IL13RA1: variants seen among roughly 807,000 people sequenced by gnomAD.
The protein encoded by IL13RA1 is interleukin-13 receptor subunit alpha-1.
Under a neutral mutation model 33.8 loss-of-function variants are expected in IL13RA1, and 14 were observed. The observed-to-expected ratio is 0.41, with a 90% CI of 0.27 to 0.65. The LOEUF is 0.65. IL13RA1 is among the 30% of genes least tolerant of loss of function. The probability of loss-of-function intolerance (pLI) is 0.28; values close to 1 mark genes in which losing one functional copy is unlikely to be tolerated. For synonymous variants in IL13RA1, 116 were observed against 115.7 expected (o/e 1.00, Z -0.02); for missense variants, 313 against 327.0 (o/e 0.96, Z 0.33).
At chrX:118,761,065 G>T in intron 5 of IL13RA1, 73 bp from the exon 6 acceptor site, 1 of 470,632 alleles carries the variant, frequency 2.1e-6, no homozygotes, top group South Asian at 5.5e-5. Flanking sequence ...CCATGGATAT[G>T]GAGGGCCGAC....
chrX:118,753,964 A>C (rs2017498218), intron 4 of IL13RA1, among the ~76,000 whole-genome samples: 1 of 112,839 alleles, frequency 8.9e-6, no homozygotes, highest in African/African-American at 3.2e-5. Context: ...GAATCAAATT[A>C]AAACTTCAGT....
chrX:118,781,655 A>G (rs1241446208), intron 10 of IL13RA1, among the ~76,000 whole-genome samples: 1 of 112,898 alleles, frequency 8.9e-6, no homozygotes, highest in Non-Finnish European at 1.9e-5. Context: ...CCCAGCCTCA[A>G]TATTTATCTT....
chrX:118,804,131 A>G, the IL13RA1 span, among the ~76,000 whole-genome samples: 1 of 107,700 alleles, frequency 9.3e-6, no homozygotes, highest in Admixed American at 1.0e-4. Context: ...TAATTTTTGT[A>G]TTTTTAGTAG....
chrX:118,796,738 G>GCCAAGA (rs988122314), downstream of IL13RA1, among the ~76,000 whole-genome samples: 1 of 111,935 alleles, frequency 8.9e-6, no homozygotes, highest in Non-Finnish European at 1.9e-5. Flanking sequence ...GTTTCTCCAT[G>GCCAAGA]TTGGTCAGGC....
downstream of IL13RA1, among the ~76,000 whole-genome samples, chrX:118,798,183 C>G (rs1326995000): frequency 8.9e-6 from 1 of 111,800 alleles, no homozygotes; most frequent in East Asian, 2.8e-4. Context: ...CATACTCACA[C>G]TTCTCTTCCA....
chrX:118,737,419 C>T (rs1234627912), intron 1 of IL13RA1, among the ~76,000 whole-genome samples: 1 of 112,667 alleles, frequency 8.9e-6, no homozygotes, highest in Non-Finnish European at 1.9e-5. Flanking sequence ...GACTCTGCCA[C>T]TACCATTGTT....
chrX:118,764,763 T>C (rs1267490486), intron 6 of IL13RA1, among the ~76,000 whole-genome samples: 1 of 111,942 alleles, frequency 8.9e-6, no homozygotes, highest in Non-Finnish European at 1.9e-5. Flanking sequence ...CAAGTGACTT[T>C]TATTGTGTGG....
At chrX:118,802,091 A>G in the IL13RA1 span, among the ~76,000 whole-genome samples, 150 of 111,783 alleles carry the variant, frequency 1.3e-3, no homozygotes, top group African/African-American at 4.8e-3. Flanking sequence ...TTAGGATGAG[A>G]GTGCAGATCA....
chrX:118,763,364 G>A (rs372167774), intron 6 of IL13RA1, among the ~76,000 whole-genome samples: 110 of 111,686 alleles, frequency 9.8e-4, no homozygotes, highest in African/African-American at 3.5e-3. Context: ...ATAACCCTAA[G>A]GATCTAGGTC....
chrX:118,785,124 G>C (rs1319174114), intron 10 of IL13RA1, among the ~76,000 whole-genome samples: 1 of 110,364 alleles, frequency 9.1e-6, no homozygotes, highest in Non-Finnish European at 1.9e-5. Context: ...TTGGCACAGG[G>C]TCTTGCTCTG....
intron 1 of IL13RA1, among the ~76,000 whole-genome samples, chrX:118,729,739 A>G (rs1252457921): frequency 8.9e-6 from 1 of 112,301 alleles, no homozygotes; most frequent in Non-Finnish European, 1.9e-5. Flanking sequence ...TATAACTTGT[A>G]GGTGCTGTTA....
chrX:118,753,114 T>C (rs895735271), intron 4 of IL13RA1, among the ~76,000 whole-genome samples: 1 of 112,307 alleles, frequency 8.9e-6, no homozygotes, highest in Non-Finnish European at 1.9e-5. Flanking sequence ...GTCTTAAAAC[T>C]GTATCTCATT....
At chrX:118,733,339 G>A (rs1447685549) in intron 1 of IL13RA1, among the ~76,000 whole-genome samples, 1 of 111,992 alleles carries the variant, frequency 8.9e-6, no homozygotes, top group Non-Finnish European at 1.9e-5. Context: ...TCTAATGGGA[G>A]TGAGGTGAAA....
At chrX:118,770,035 T>C (rs1425486256) in intron 8 of IL13RA1, 1 of 235,136 alleles carries the variant, frequency 4.3e-6, no homozygotes, top group African/African-American at 2.9e-5. Context: ...GTGCTGTGGC[T>C]GGCCAGGGCT....
chrX:118,795,211 CAAAAAAAAA>C (rs1222782237), downstream of IL13RA1, among the ~76,000 whole-genome samples: 1 of 27,002 alleles, frequency 3.7e-5, no homozygotes, highest in Non-Finnish European at 6.7e-5. Flanking sequence ...GACTCCGTCT[CAAAAAAAAA>C]AAAAAAAAAA....
rs1569454487 is a variant in IL13RA1, at chrX:118,740,999, T to G, written c.89-18T>G. On this transcript the variant is annotated intron_variant, in intron 1 of 10. Transcript: ENST00000371666. Reference sequence around the variant, plus strand: ...TACTGTTGATAAATTCATTTTTTTTTGTCCTTGATTTGAACAGAAACTCAG... The same window carrying G: ...TACTGTTGATAAATTCATTTTTTTTGGTCCTTGATTTGAACAGAAACTCAG... The G allele has an allele frequency of 5.6e-6, 6 of 1,065,763 alleles. No homozygotes were observed. The highest frequency in any genetic ancestry group is 6.5e-6 in the Non-Finnish European group (5 of 765,029). The allele number at this position is 1,065,763 out of a possible 1,213,427, so 87.8% of individuals were successfully genotyped here.
chrX:118,779,570 G>C (rs750964814), intron 10 of IL13RA1, among the ~76,000 whole-genome samples: 1 of 111,515 alleles, frequency 9.0e-6, no homozygotes, highest in Non-Finnish European at 1.9e-5. Context: ...AGGGATTGTG[G>C]GTAACTGATA....
chrX:118,800,576 A>G, the IL13RA1 span, among the ~76,000 whole-genome samples: 2 of 110,703 alleles, frequency 1.8e-5, no homozygotes, highest in African/African-American at 3.3e-5. Context: ...CAGACGCGCC[A>G]CCTTAAGAGC....
chrX:118,777,012 TA>T (rs1362413755), intron 10 of IL13RA1, among the ~76,000 whole-genome samples: 1 of 106,727 alleles, frequency 9.4e-6, no homozygotes, highest in African/African-American at 3.4e-5. Context: ...TATATATATA[TA>T]TATATATACA....
Sources: gnomAD v4.1 joint callset for allele counts (sites outside exome capture counted in the v4.1 genomes callset) on GRCh38, gnomAD v4.1.1 for gene constraint, MANE v1.5 for transcripts, NCBI Gene and HGNC (gene_info 2026-07-23, HGNC 2026-07-21) for gene names.